ELOVL2: variants seen among roughly 807,000 people sequenced by gnomAD.
ELOVL2 encodes the protein ELOVL fatty acid elongase 2.
A neutral mutation model predicts 37.7 loss-of-function variants in ELOVL2; 38 were observed. The ratio of observed to expected loss-of-function variants is 1.01; its 90% confidence interval spans 0.78 to 1.32. The LOEUF is 1.32. Ranked by LOEUF, ELOVL2 falls within the 40% of genes most tolerant of loss-of-function variation. ELOVL2 has a pLI of 0.00. For synonymous variants in ELOVL2, 115 were observed against 122.3 expected (o/e 0.94, Z 0.40); for missense variants, 352 against 363.6 (o/e 0.97, Z 0.26).
chr6:10,985,678 G>A (rs965116911), intron 7 of ELOVL2, among the ~76,000 whole-genome samples: 8 of 151,810 alleles, frequency 5.3e-5, no homozygotes, highest in Non-Finnish European at 2.9e-5. Context: ...CATTATTTCT[G>A]AGGGCTCTGT....
At position 10,982,257 on chromosome 6, in the gene ELOVL2, T is replaced by A. The variant is rs561489047; in HGVS notation, c.*1524A>T. Reference sequence around the variant, plus strand: ...ACATGAAATAAAAGTACAATTTTTTTAACAGGAGAAAGTTTAAAACTAGAG... The same window carrying A: ...ACATGAAATAAAAGTACAATTTTTTAAACAGGAGAAAGTTTAAAACTAGAG... On this transcript the variant is annotated 3_prime_UTR_variant, in exon 8 of 8. Coordinates refer to ENST00000354666, the MANE Select transcript of ELOVL2 (RefSeq NM_017770.4). 2 of 152,116 alleles carry A rather than the reference T, an allele frequency of 1.3e-5. No individual in the cohort carries two copies. The highest frequency in any genetic ancestry group is 4.8e-5 in the African/African-American group (2 of 41,480). 9.4% of individuals were successfully genotyped at this position (152,116 alleles called of 1,614,324 possible).
intron 7 of ELOVL2, among the ~76,000 whole-genome samples, chr6:10,986,276 C>A (rs903872860): frequency 1.3e-5 from 2 of 152,100 alleles, no homozygotes; most frequent in African/African-American, 4.8e-5. Context: ...TCTAGATATA[C>A]AATCATGTCA....
At chr6:11,028,056 A>G (rs1218075853) in intron 1 of ELOVL2, among the ~76,000 whole-genome samples, 2 of 152,088 alleles carry the variant, frequency 1.3e-5, no homozygotes, top group Admixed American at 1.3e-4. Context: ...ATTTTCCCCA[A>G]TGCCATTCCT....
At chr6:10,993,079 TAACC>T (rs1386358489) in intron 5 of ELOVL2, among the ~76,000 whole-genome samples, 1 of 151,624 alleles carries the variant, frequency 6.6e-6, no homozygotes, top group East Asian at 2.0e-4. Context: ...AATTTAAATA[TAACC>T]AACAATACTG....
At chr6:11,009,702 C>T (rs1019280197) in intron 2 of ELOVL2, among the ~76,000 whole-genome samples, 1 of 152,186 alleles carries the variant, frequency 6.6e-6, no homozygotes, top group Non-Finnish European at 1.5e-5. Context: ...GTGAGGACGA[C>T]GGATACTGAC....
chr6:10,996,998 G>A (rs1782282268), intron 4 of ELOVL2, among the ~76,000 whole-genome samples: 1 of 152,138 alleles, frequency 6.6e-6, no homozygotes, highest in African/African-American at 2.4e-5. Context: ...CAACAAGAGT[G>A]AAACTCTGTC....
intron 1 of ELOVL2, among the ~76,000 whole-genome samples, chr6:11,021,285 G>C (rs1275842076): frequency 8.5e-5 from 13 of 152,088 alleles, no homozygotes; most frequent in Admixed American, 8.5e-4. Context: ...GTTTTCCCTG[G>C]CCCCCCTTGT....
chr6:11,001,227 A>G (rs1427709446), intron 3 of ELOVL2, among the ~76,000 whole-genome samples: 2 of 152,228 alleles, frequency 1.3e-5, no homozygotes, highest in African/African-American at 4.8e-5. Flanking sequence ...AGACTTCTTC[A>G]CTGTCCTGAT....
chr6:11,019,282 A>G (rs1782729900), intron 1 of ELOVL2, among the ~76,000 whole-genome samples: 1 of 152,230 alleles, frequency 6.6e-6, no homozygotes, highest in Admixed American at 6.5e-5. Flanking sequence ...TGACAAGATT[A>G]GTCCAAATTC....
intron 1 of ELOVL2, among the ~76,000 whole-genome samples, chr6:11,021,889 C>T (rs1782769866): frequency 6.6e-6 from 1 of 152,150 alleles, no homozygotes; most frequent in Admixed American, 6.5e-5. Flanking sequence ...AGAACCTGAG[C>T]TACGCTTGAG....
chr6:11,001,556 G>A (rs1782382542), intron 3 of ELOVL2, among the ~76,000 whole-genome samples: 1 of 152,216 alleles, frequency 6.6e-6, no homozygotes, highest in Non-Finnish European at 1.5e-5. Flanking sequence ...TGGTCAGGTT[G>A]TAGTTCTGTA....
At chr6:10,991,208 G>A (rs1388261018) in intron 5 of ELOVL2, among the ~76,000 whole-genome samples, 1 of 152,220 alleles carries the variant, frequency 6.6e-6, no homozygotes, top group Non-Finnish European at 1.5e-5. Context: ...GCTGCAAGAG[G>A]TGAGATGCCA....
At chr6:11,010,491 G>A (rs1343959740) in intron 2 of ELOVL2, among the ~76,000 whole-genome samples, 1 of 152,194 alleles carries the variant, frequency 6.6e-6, no homozygotes, top group African/African-American at 2.4e-5. Flanking sequence ...ACAGACACTG[G>A]AGGAAAGCAT....
intron 1 of ELOVL2, among the ~76,000 whole-genome samples, chr6:11,011,389 A>G (rs1490781902): frequency 2.0e-5 from 3 of 151,776 alleles, no homozygotes; most frequent in Non-Finnish European, 4.4e-5. Flanking sequence ...AAAAAAAAAC[A>G]TTGAAGGGTT....
rs376686946 is a variant in ELOVL2 at position 10,983,804 on chromosome 6, C to T, written c.868G>A (p.Val290Met). The T allele has an allele frequency of 5.6e-6, 9 of 1,611,736 alleles. No individual in the cohort carries two copies. In the South Asian group the frequency reaches 8.8e-5, roughly 16 times the overall value. Residue 290 changes from valine to methionine, a missense_variant, in exon 8 of 8, where the codon GTG (valine) becomes ATG (methionine). Transcript: ENST00000354666. Reference protein sequence around the residue: ...SKAYFTAANGVMNKKAQ With the variant: ...SKAYFTAANGMMNKKAQ Reference sequence around the variant, plus strand: ...TTTTATTGTGCTTTCTTGTTCATCACTCCATTTGCTGCAGTGAAGTAGGCT... The same window carrying T: ...TTTTATTGTGCTTTCTTGTTCATCATTCCATTTGCTGCAGTGAAGTAGGCT...
intron 3 of ELOVL2, among the ~76,000 whole-genome samples, chr6:11,005,067 G>A (rs556854040): frequency 2.6e-4 from 40 of 152,218 alleles, no homozygotes; most frequent in African/African-American, 8.4e-4. Flanking sequence ...GCTGAGGCAC[G>A]AGAATCGCTT....
intron 1 of ELOVL2, among the ~76,000 whole-genome samples, chr6:11,023,283 T>C (rs994218296): frequency 2.6e-5 from 4 of 152,180 alleles, no homozygotes; most frequent in African/African-American, 9.7e-5. Context: ...GAAAGGAGAT[T>C]CTGTCTGTGT....
intron 1 of ELOVL2, among the ~76,000 whole-genome samples, chr6:11,012,149 G>A (rs1782595972): frequency 6.6e-6 from 1 of 152,130 alleles, no homozygotes; most frequent in Non-Finnish European, 1.5e-5. Context: ...ATGTCTTCGG[G>A]AACTTTAGAA....
chr6:11,025,726 C>G (rs976144632), intron 1 of ELOVL2, among the ~76,000 whole-genome samples: 6 of 152,262 alleles, frequency 3.9e-5, no homozygotes, highest in Admixed American at 2.0e-4. Context: ...CTATTAGATA[C>G]TACTTGATTT....
Sources: allele counts gnomAD v4.1 joint callset (sites outside exome capture counted in the v4.1 genomes callset), GRCh38; gene constraint gnomAD v4.1.1; transcripts MANE v1.5; gene names NCBI Gene and HGNC (gene_info 2026-07-23, HGNC 2026-07-21).